AKAP10: variants seen among roughly 807,000 people sequenced by gnomAD.
The protein encoded by AKAP10 is A-kinase anchoring protein 10, also known as A-kinase anchor protein 10, mitochondrial.
Under a neutral mutation model 80.8 loss-of-function variants are expected in AKAP10, and 24 were observed. That is an observed-to-expected ratio of 0.30 (90% CI 0.22 to 0.42). The LOEUF (loss-of-function observed/expected upper bound fraction) is 0.42, where lower values mean the gene tolerates loss of function less well. AKAP10 is among the 10% of genes least tolerant of loss of function. AKAP10 has a pLI of 1.00. For missense variants in AKAP10, 661 were observed against 794.9 expected (o/e 0.83, Z 2.03); for synonymous variants, 291 against 277.7 (o/e 1.05, Z -0.48).
At chr17:19,942,649 T>C (rs187138692) in intron 5 of AKAP10, among the ~76,000 whole-genome samples, 10 of 152,312 alleles carry the variant, frequency 6.6e-5, no homozygotes, top group African/African-American at 2.2e-4. Flanking sequence ...TTTTAAAACA[T>C]GAAATGTGCT....
intron 6 of AKAP10, among the ~76,000 whole-genome samples, chr17:19,941,499 C>T (rs2152414545): frequency 6.6e-6 from 1 of 152,268 alleles, no homozygotes; most frequent in East Asian, 1.9e-4. Context: ...CATCTGAAGA[C>T]ATGCATTATT....
At position 19,947,332 on chromosome 17, in the gene AKAP10, A is replaced by C. The variant is rs959268085; in HGVS notation, c.976+75T>G. On this transcript the variant is annotated intron_variant, in intron 5 of 14. Coordinates refer to ENST00000225737, the MANE Select transcript of AKAP10 (RefSeq NM_007202.4). The stretch of plus-strand genomic sequence containing the variant: ...TTCCATGTTAAGAAAAAATTATCTT[A>C]GTCAATAACGAAAATTGTCAGTTCT... 29 of 1,123,788 alleles carry C rather than the reference A, an allele frequency of 2.6e-5. No individual in the cohort carries two copies. In the African/African-American group the frequency reaches 3.6e-4, roughly 14 times the overall value. The allele number at this position is 1,123,788 out of a possible 1,614,324, so 69.6% of individuals were successfully genotyped here.
At chr17:19,917,832 A>G (rs917460627) in intron 12 of AKAP10, among the ~76,000 whole-genome samples, 1 of 151,934 alleles carries the variant, frequency 6.6e-6, no homozygotes, top group Admixed American at 6.6e-5. Flanking sequence ...CTGAGGCAGA[A>G]TAATTGCTAG....
At chr17:19,913,443 C>T (rs1168271269) in intron 12 of AKAP10, among the ~76,000 whole-genome samples, 2 of 152,068 alleles carry the variant, frequency 1.3e-5, no homozygotes, top group African/African-American at 4.8e-5. Context: ...TGAGCCACCA[C>T]GCCCGGCCCT....
chr17:19,929,093 T>C (rs567770437), intron 10 of AKAP10, among the ~76,000 whole-genome samples: 14 of 152,272 alleles, frequency 9.2e-5, no homozygotes, highest in African/African-American at 2.9e-4. Flanking sequence ...TGAAAGACAG[T>C]TGGCAACAAA....
In AKAP10 at chr17:19,977,794, C is replaced by G. The variant is rs1374701785; in HGVS notation, c.-115G>C. On this transcript the variant is annotated 5_prime_UTR_variant, in exon 1 of 15. Coordinates refer to ENST00000225737, the MANE Select transcript of AKAP10 (RefSeq NM_007202.4). ...CCTCGGGATGCCCAGGCAGCTCCAG[C>G]CGCCATATTATCAACAAGCCGCCCG... The G allele has an allele frequency of 1.7e-6, 1 of 572,152 alleles. No individual in the cohort carries two copies. The highest frequency in any genetic ancestry group is 2.6e-6 in the Non-Finnish European group (1 of 383,800). The allele number at this position is 572,152 out of a possible 1,614,324, so 35.4% of individuals were successfully genotyped here.
At chr17:19,917,553 G>A (rs924866106) in intron 12 of AKAP10, among the ~76,000 whole-genome samples, 2 of 152,094 alleles carry the variant, frequency 1.3e-5, no homozygotes, top group Non-Finnish European at 2.9e-5. Context: ...CACTGCAGCC[G>A]CAGCCTCACC....
At chr17:19,977,554 G>C (rs959553593) in intron 1 of AKAP10, 38 bp downstream of exon 1, 4 of 1,228,086 alleles carry the variant, frequency 3.3e-6, no homozygotes, top group Non-Finnish European at 1.0e-6. Context: ...CCGCCCCTGA[G>C]GCCCGGCCTG....
At chr17:19,908,031 GT>G (rs1394002146) in intron 14 of AKAP10, among the ~76,000 whole-genome samples, 1 of 151,830 alleles carries the variant, frequency 6.6e-6, no homozygotes, top group Non-Finnish European at 1.5e-5. Context: ...GCCTGGCTAA[GT>G]TTTTGTATTT....
At chr17:19,937,961 G>A (rs1335450986) in intron 8 of AKAP10, among the ~76,000 whole-genome samples, 1 of 151,674 alleles carries the variant, frequency 6.6e-6, no homozygotes, top group Non-Finnish European at 1.5e-5. Context: ...TTCTGAGACA[G>A]GGGGACTGGA....
chr17:19,936,239 A>G, intron 9 of AKAP10, 47 bp downstream of exon 9: 1 of 1,575,310 alleles, frequency 6.3e-7, no homozygotes, highest in Non-Finnish European at 8.6e-7. Flanking sequence ...TATGAGTTCT[A>G]CCAATAAAAC....
intron 12 of AKAP10, among the ~76,000 whole-genome samples, chr17:19,916,911 C>T (rs203456): frequency 0.44 from 64,495 of 146,918 alleles, 14,620 homozygotes; most frequent in African/African-American, 0.59. Flanking sequence ...CACTCCAGCC[C>T]GGGCGACAGA....
intron 3 of AKAP10, among the ~76,000 whole-genome samples, chr17:19,959,913 T>C (rs2043327848): frequency 6.6e-6 from 1 of 152,148 alleles, no homozygotes. Flanking sequence ...TTAATTAAAT[T>C]CTATGAGATA....
intron 8 of AKAP10, 110 bp from the exon 9 acceptor site, chr17:19,936,540 G>A: frequency 9.4e-7 from 1 of 1,064,582 alleles, no homozygotes; most frequent in Non-Finnish European, 1.3e-6. Flanking sequence ...GAGCCTGCAG[G>A]CCTAGAACTA....
At chr17:19,939,481 C>A (rs2043029178) in intron 8 of AKAP10, among the ~76,000 whole-genome samples, 1 of 152,114 alleles carries the variant, frequency 6.6e-6, no homozygotes, top group African/African-American at 2.4e-5. Flanking sequence ...GGAAACACTC[C>A]TTGAACACCA....
chr17:19,949,400 G>A (rs534544614), intron 4 of AKAP10, among the ~76,000 whole-genome samples: 60 of 152,206 alleles, frequency 3.9e-4, no homozygotes, highest in African/African-American at 1.4e-3. Context: ...TCAGGAACCT[G>A]CCAAACAATA....
chr17:19,932,913 T>C (rs2042952249), intron 9 of AKAP10, among the ~76,000 whole-genome samples: 1 of 152,196 alleles, frequency 6.6e-6, no homozygotes, highest in African/African-American at 2.4e-5. Flanking sequence ...TATTTCTAAT[T>C]CTACGAAGGA....
At chr17:19,930,066 TCAG>T (rs2042916449) in intron 10 of AKAP10, among the ~76,000 whole-genome samples, 1 of 146,842 alleles carries the variant, frequency 6.8e-6, no homozygotes, top group African/African-American at 2.5e-5. Flanking sequence ...GCAACCATAC[TCAG>T]CAGTTTATCT....
intron 2 of AKAP10, among the ~76,000 whole-genome samples, chr17:19,964,222 A>G (rs1432238371): frequency 1.3e-5 from 2 of 152,222 alleles, no homozygotes; most frequent in Admixed American, 6.5e-5. Flanking sequence ...TTTCTTAATT[A>G]GATGTATATA....
Sources: gnomAD v4.1 joint callset for allele counts (sites outside exome capture counted in the v4.1 genomes callset) on GRCh38, gnomAD v4.1.1 for gene constraint, MANE v1.5 for transcripts, NCBI Gene and HGNC (gene_info 2026-07-23, HGNC 2026-07-21) for gene names.